The following BTD variants were observed in gnomAD, a reference collection of about 807,000 sequenced individuals.
BTD encodes biotinidase, also known as biocytinase.
A neutral mutation model predicts 17.7 loss-of-function variants in BTD; 13 were observed. That is an observed-to-expected ratio of 0.74 (90% CI 0.48 to 1.17). The LOEUF (loss-of-function observed/expected upper bound fraction) is 1.17, where lower values mean the gene tolerates loss of function less well. Among genes scored for constraint, BTD ranks in the 50% most tolerant of loss-of-function variants. The pLI, the probability that BTD is intolerant of heterozygous loss-of-function variation, is 0.00. For synonymous variants in BTD, 240 were observed against 245.2 expected (o/e 0.98, Z 0.20); for missense variants, 674 against 650.4 (o/e 1.04, Z -0.39).
chr3:15,715,843 T>G (rs2072942142), downstream of BTD, among the ~76,000 whole-genome samples: 1 of 152,138 alleles, frequency 6.6e-6, no homozygotes, highest in African/African-American at 2.4e-5. Context: ...TTTACCATTA[T>G]TTTTCATGTA....
chr3:15,603,852 T>C (rs2064360394), intron 1 of BTD, among the ~76,000 whole-genome samples: 2 of 152,118 alleles, frequency 1.3e-5, no homozygotes, highest in East Asian at 1.9e-4. Flanking sequence ...TCCAAAATGA[T>C]CTTTGGATCA....
chr3:15,697,277 C>T (rs1476065130), intron 3 of BTD: 2 of 153,106 alleles, frequency 1.3e-5, no homozygotes, highest in African/African-American at 4.8e-5. Context: ...ACTTTGGGGA[C>T]TCAGGGGGAA....
rs1433852165 is a variant in BTD at position 15,661,280 on chromosome 3, AAAAAAAAAAAAAAG to A, written c.399+19229_399+19242del. ...GACTCTGTCTCAAAAAAAAAAAAAA[AAAAAAAAAAAAAAG>A]AAAAAGAAAAAGAGCTCCTCCACAT... is the stretch of plus-strand genomic sequence containing the variant. On this transcript the variant is annotated intron_variant, in intron 3 of 3. Transcript: ENST00000672141. Among the ~76,000 whole-genome samples the A allele has an allele frequency of 1.7e-4, 26 of 149,138 alleles. No homozygotes were observed. In the East Asian group the frequency reaches 2.0e-3, roughly 12 times the overall value.
In BTD at chr3:15,644,917, C is replaced by G; in HGVS notation, c.1001C>G (p.Thr334Arg). The G allele has an allele frequency of 6.2e-7, 1 of 1,614,056 alleles. No homozygotes were observed. Among genetic ancestry groups the G allele is most frequent in the African/African-American group, 1.3e-5 (1 of 74,994 alleles). ...LIGAENATGETDPSHSKFLKI... is the reference protein window; with the variant it reads ...LIGAENATGERDPSHSKFLKI... The stretch of plus-strand genomic sequence containing the variant: ...GGTGCAGAGAATGCAACAGGTGAAA[C>G]GGACCCATCCCATAGTAAGTTTTTA... The change falls in exon 4 of 4, where the codon ACG (threonine) becomes AGG (arginine). Residue 334 changes from threonine to arginine, a missense_variant. Coordinates refer to ENST00000643237, the MANE Select transcript of BTD (RefSeq NM_001370658.1).
intron 1 of BTD, among the ~76,000 whole-genome samples, chr3:15,624,659 C>T (rs918785806): frequency 3.8e-4 from 57 of 150,478 alleles, no homozygotes; most frequent in African/African-American, 1.4e-3. Context: ...GTGGCATATT[C>T]ATCATATTTA....
At chr3:15,675,277 AAAC>A (rs550059526) in intron 3 of BTD, among the ~76,000 whole-genome samples, 19 of 152,090 alleles carry the variant, frequency 1.2e-4, no homozygotes, top group Non-Finnish European at 2.1e-4. Flanking sequence ...TCTCAAAAAC[AAAC>A]AACAACAACA....
In BTD at chr3:15,710,532, C is replaced by T. The variant is rs543561067; in HGVS notation, c.*458C>T. Among the ~76,000 whole-genome samples the T allele has an allele frequency of 3.8e-4, 58 of 152,246 alleles. No individual in the cohort carries two copies. The South Asian group carries it at 4.6e-3, about 12-fold the overall frequency. On this transcript the variant is annotated 3_prime_UTR_variant, in exon 4 of 4. Coordinates refer to the BTD transcript ENST00000672141. ...TGGTGTACTCTTGGTTCAACGTACTCGTCCTCTGAAATCACTGAAAATTTT... is the reference window on the plus strand; with the variant it reads ...TGGTGTACTCTTGGTTCAACGTACTTGTCCTCTGAAATCACTGAAAATTTT...
At chr3:15,698,177 C>T (rs189864246) in intron 3 of BTD, among the ~76,000 whole-genome samples, 2 of 152,030 alleles carry the variant, frequency 1.3e-5, no homozygotes, top group Admixed American at 1.3e-4. Context: ...AGGCCTTCGA[C>T]AAAATTCAAC....
downstream of BTD, among the ~76,000 whole-genome samples, chr3:15,654,896 G>C (rs140207209): frequency 6.6e-6 from 1 of 152,140 alleles, no homozygotes; most frequent in African/African-American, 2.4e-5. Context: ...CACCATACCC[G>C]GCTAATTTTG....
chr3:15,671,939 A>G (rs1198405189), intron 3 of BTD, among the ~76,000 whole-genome samples: 3 of 152,084 alleles, frequency 2.0e-5, no homozygotes, highest in Non-Finnish European at 4.4e-5. Flanking sequence ...AGTATGTATT[A>G]TTTCATATCT....
Position 15,645,105 on chromosome 3 carries a change from G to A in BTD, c.1189G>A (p.Val397Ile), listed in dbSNP as rs397514409. 2.0e-5 allele frequency: 32 copies of A among 1,613,920 alleles called. No individual in the cohort carries two copies. Among genetic ancestry groups the A allele is most frequent in the South Asian group, 3.3e-5 (3 of 91,080 alleles). ...CTGGGGAAAGGAAGGCTATCTCCAC[G>A]TCTGTTCCAATGGCCTCTGCTGTTA... ...PVWGKEGYLHVCSNGLCCYLL... is the reference protein window; with the variant it reads ...PVWGKEGYLHICSNGLCCYLL... The change falls in exon 4 of 4, where the codon GTC becomes ATC. Residue 397 changes from valine (V) to isoleucine (I), a missense_variant. Coordinates refer to ENST00000643237, the MANE Select transcript of BTD (RefSeq NM_001370658.1).
In BTD at chr3:15,635,802, A is replaced by G; in HGVS notation, c.249+114A>G. The G allele has an allele frequency of 1.3e-6, 2 of 1,492,344 alleles. No individual in the cohort carries two copies. Among genetic ancestry groups the G allele is most frequent in the Non-Finnish European group, 1.9e-6 (2 of 1,080,740 alleles). 92.4% of individuals were successfully genotyped at this position (1,492,344 alleles called of 1,614,324 possible). A position where few individuals can be genotyped will look rare whatever the true frequency, so the allele number is the denominator to read the frequency against. On this transcript the variant is annotated intron_variant, in intron 2 of 3. Coordinates refer to ENST00000643237, the MANE Select transcript of BTD (RefSeq NM_001370658.1). This position sits in a 1 kb window ranked among gnomAD's most constrained non-coding sequence, Gnocchi z 4.1. ...CCTACCACCCTCTGAAAAAGCATCC[A>G]GGTAGTTAACCTGAGTTGAGTTAGT...
intron 1 of BTD, among the ~76,000 whole-genome samples, chr3:15,607,676 TGAG>T (rs1353734300): frequency 2.0e-5 from 3 of 152,288 alleles, no homozygotes; most frequent in East Asian, 1.9e-4. Context: ...ACTTATCAAA[TGAG>T]GAAATGAATC....
chr3:15,621,413 G>A (rs1204836944), intron 1 of BTD, among the ~76,000 whole-genome samples: 1 of 152,044 alleles, frequency 6.6e-6, no homozygotes, highest in Non-Finnish European at 1.5e-5. Flanking sequence ...GTAGAGAATT[G>A]GTATAATTTA....
chr3:15,606,817 C>G (rs34356435), intron 1 of BTD: 23,971 of 152,196 alleles, frequency 0.16, 1,976 homozygotes, highest in Middle Eastern at 0.25. Context: ...CCTTTGCAAT[C>G]CAATTGTAAT....
intron 3 of BTD, chr3:15,677,335 A>T: frequency 1.6e-6 from 1 of 640,386 alleles, no homozygotes. Flanking sequence ...ATGGTGCCTT[A>T]TAAGTCAATT....
intron 1 of BTD, among the ~76,000 whole-genome samples, chr3:15,602,917 A>G (rs2064315701): frequency 6.6e-6 from 1 of 152,208 alleles, no homozygotes; most frequent in South Asian, 2.1e-4. Context: ...TAATGGTCTC[A>G]CAGTTCCAAA....
chr3:15,630,169 C>T (rs1415503664), intron 1 of BTD: 2 of 731,708 alleles, frequency 2.7e-6, no homozygotes, highest in Admixed American at 6.3e-5. Context: ...AAGTCAGATG[C>T]TTTCTGGGTC....
chr3:15,682,786 G>C (rs1332297109), intron 3 of BTD, among the ~76,000 whole-genome samples: 1 of 152,010 alleles, frequency 6.6e-6, no homozygotes, highest in Non-Finnish European at 1.5e-5. Context: ...TTATAAAACG[G>C]GCTTTTGGCT....
Sources: allele counts gnomAD v4.1 joint callset (sites outside exome capture counted in the v4.1 genomes callset), GRCh38; gene constraint gnomAD v4.1.1; non-coding constraint Gnocchi (gnomAD v3.1); transcripts MANE v1.5; gene names NCBI Gene and HGNC (gene_info 2026-07-23, HGNC 2026-07-21).